Variants in ERG observed in about 807,000 individuals in gnomAD.
ERG encodes ETS transcription factor ERG.
ERG carries 9 observed loss-of-function variants against 55.3 expected under a neutral mutation model. The observed-to-expected ratio is 0.16, with a 90% CI of 0.10 to 0.28. ERG has a LOEUF of 0.28. Ranked by LOEUF, ERG falls within the 10% of genes least tolerant of loss-of-function variation. The probability of loss-of-function intolerance (pLI) is 1.00; values close to 1 mark genes in which losing one functional copy is unlikely to be tolerated. For missense variants in ERG, 434 were observed against 631.6 expected (o/e 0.69, Z 3.35); for synonymous variants, 223 against 237.3 (o/e 0.94, Z 0.55).
intron 2 of ERG, among the ~76,000 whole-genome samples, chr21:38,556,763 C>T (rs996704284): frequency 2.0e-5 from 3 of 152,290 alleles, no homozygotes; most frequent in South Asian, 2.1e-4. Context: ...GGGAAGAAAG[C>T]AGGGTTCTCT....
intron 2 of ERG, among the ~76,000 whole-genome samples, chr21:38,443,825 C>T (rs1316560153): frequency 6.6e-6 from 1 of 151,866 alleles, no homozygotes; most frequent in Non-Finnish European, 1.5e-5. Context: ...TGTCCTGGAC[C>T]CATCATTGCA....
chr21:38,625,320 G>A (rs2060317712), intron 1 of ERG, among the ~76,000 whole-genome samples: 1 of 152,108 alleles, frequency 6.6e-6, no homozygotes, highest in African/African-American at 2.4e-5. Context: ...TTGAAGAACA[G>A]AGTTATTTGG....
intron 2 of ERG, among the ~76,000 whole-genome samples, chr21:38,424,036 C>A (rs548952277): frequency 2.6e-5 from 4 of 152,014 alleles, no homozygotes; most frequent in African/African-American, 9.7e-5. Context: ...TCTGTCCTCC[C>A]GAAATGCATA....
intron 3 of ERG, among the ~76,000 whole-genome samples, chr21:38,414,135 TG>T (rs1165559226): frequency 6.6e-6 from 1 of 152,172 alleles, no homozygotes; most frequent in Non-Finnish European, 1.5e-5. Flanking sequence ...TAGCTTCTGG[TG>T]CTGTCCAGCA....
intron 6 of ERG, among the ~76,000 whole-genome samples, chr21:38,398,644 T>C (rs994755442): frequency 1.6e-4 from 24 of 152,030 alleles, no homozygotes; most frequent in African/African-American, 5.8e-4. Flanking sequence ...CCAACCAACA[T>C]CCTCACAGTC....
chr21:38,621,169 A>G (rs1291011850), intron 1 of ERG, among the ~76,000 whole-genome samples: 8 of 152,192 alleles, frequency 5.3e-5, no homozygotes, highest in African/African-American at 1.9e-4. Flanking sequence ...GAGATCACTT[A>G]GGAAGCAACA....
At chr21:38,606,018 T>C (rs529401485) in intron 1 of ERG, among the ~76,000 whole-genome samples, 1 of 151,978 alleles carries the variant, frequency 6.6e-6, no homozygotes, top group Non-Finnish European at 1.5e-5. Context: ...AGTAGGTCAT[T>C]AGACAGATGA....
chr21:38,516,616 C>G (rs994550908), intron 2 of ERG, among the ~76,000 whole-genome samples: 1 of 151,706 alleles, frequency 6.6e-6, no homozygotes. Context: ...AAAAAACAAT[C>G]CTAAAATTTA....
intron 1 of ERG, among the ~76,000 whole-genome samples, chr21:38,495,037 C>T (rs552169536): frequency 7.9e-5 from 12 of 152,340 alleles, no homozygotes; most frequent in Non-Finnish European, 1.5e-4. Flanking sequence ...TCCATTCTCC[C>T]GGAATCCCCC....
At chr21:38,375,161 T>C (rs1224747988), downstream of ERG, among the ~76,000 whole-genome samples, 7 of 152,184 alleles carry the variant, frequency 4.6e-5, no homozygotes, top group East Asian at 1.3e-3. Flanking sequence ...GTTAAGATCA[T>C]TTTTTCTAAG....
At chr21:38,575,494 G>A (rs1044610902) in intron 2 of ERG, among the ~76,000 whole-genome samples, 3 of 152,132 alleles carry the variant, frequency 2.0e-5, no homozygotes, top group East Asian at 1.9e-4. Context: ...CATGTGTTAC[G>A]AAATATGCTT....
In ERG at chr21:38,578,091, C is replaced by T. The variant is rs1203393101; in HGVS notation, c.-126-2344G>A. Among the ~76,000 whole-genome samples the T allele has an allele frequency of 3.3e-5, 5 of 150,474 alleles. No homozygotes were observed. In the East Asian group the frequency reaches 5.8e-4, roughly 17 times the overall value. Reference sequence around the variant, plus strand: ...TGCCCAGTGGGGCAGCCAGCACCAACGCCAGGCCCGGGAGGGAGTTGTCCT... The same window carrying T: ...TGCCCAGTGGGGCAGCCAGCACCAATGCCAGGCCCGGGAGGGAGTTGTCCT... On this transcript the variant is annotated intron_variant, in intron 1 of 8. Coordinates refer to the ERG transcript ENST00000398897.
At chr21:38,564,109 G>C (rs555291912) in intron 2 of ERG, among the ~76,000 whole-genome samples, 1 of 152,102 alleles carries the variant, frequency 6.6e-6, no homozygotes, top group South Asian at 2.1e-4. Context: ...GCAAAGTGAT[G>C]CTGTGTTCAT....
intron 1 of ERG, among the ~76,000 whole-genome samples, chr21:38,454,569 G>A (rs755566419): frequency 8.5e-5 from 13 of 152,112 alleles, no homozygotes; most frequent in East Asian, 1.9e-4. Flanking sequence ...ACCAGCTGCC[G>A]AGCAGCTCTC....
intron 1 of ERG, among the ~76,000 whole-genome samples, chr21:38,476,436 A>G (rs940070593): frequency 7.2e-5 from 11 of 152,308 alleles, no homozygotes; most frequent in African/African-American, 2.6e-4. Flanking sequence ...CCTGAGATAC[A>G]ACACCACTCC....
intron 1 of ERG, among the ~76,000 whole-genome samples, chr21:38,631,901 G>C (rs1418124239): frequency 6.6e-6 from 1 of 151,936 alleles, no homozygotes; most frequent in Non-Finnish European, 1.5e-5. Flanking sequence ...TGGAAACCCA[G>C]TTTAACTGGC....
At chr21:38,645,401 C>T (rs773657527) in intron 1 of ERG, among the ~76,000 whole-genome samples, 9 of 152,070 alleles carry the variant, frequency 5.9e-5, no homozygotes, top group Non-Finnish European at 1.3e-4. Flanking sequence ...TCATCTGACC[C>T]TGCTACCAAA....
At position 38,380,228 on chromosome 21, in the gene ERG, G is replaced by A; in HGVS notation, c.*3175C>T. 9.5e-7 allele frequency: 1 copy of A among 1,053,276 alleles called. No homozygotes were observed. Among genetic ancestry groups the A allele is most frequent in the South Asian group, 4.6e-5 (1 of 21,870 alleles). 65.2% of individuals were successfully genotyped at this position (1,053,276 alleles called of 1,614,324 possible). A position where few individuals can be genotyped will look rare whatever the true frequency, so the allele number is the denominator to read the frequency against. On this transcript the variant is annotated 3_prime_UTR_variant, in exon 10 of 10. Transcript: ENST00000288319. ...GTGCCCCATCACCTTCCCAGCTCCTGAGCTGTAGCCATCTCTGCTGCACCT... is the reference window on the plus strand; with the variant it reads ...GTGCCCCATCACCTTCCCAGCTCCTAAGCTGTAGCCATCTCTGCTGCACCT...
chr21:38,407,735 G>T (rs1988839994), intron 3 of ERG, among the ~76,000 whole-genome samples: 1 of 142,910 alleles, frequency 7.0e-6, no homozygotes, highest in African/African-American at 2.6e-5. Context: ...TTTATAAAAA[G>T]TATTTTTTAA....
Sources: allele counts gnomAD v4.1 joint callset (sites outside exome capture counted in the v4.1 genomes callset), GRCh38; gene constraint gnomAD v4.1.1; transcripts MANE v1.5; gene names NCBI Gene and HGNC (gene_info 2026-07-23, HGNC 2026-07-21).